Variants in EGFR observed in about 807,000 individuals in gnomAD.
EGFR encodes epidermal growth factor receptor.
Under a neutral mutation model 143.0 loss-of-function variants are expected in EGFR, and 58 were observed. The observed-to-expected ratio is 0.41, with a 90% CI of 0.33 to 0.50. The LOEUF (loss-of-function observed/expected upper bound fraction) is 0.50. Ranked by LOEUF, EGFR falls within the 20% of genes least tolerant of loss-of-function variation. EGFR has a pLI of 0.39. For synonymous variants in EGFR, 613 were observed against 594.4 expected (o/e 1.03, Z -0.45); for missense variants, 1,307 against 1,579.0 (o/e 0.83, Z 2.92).
At chr7:55,025,263 A>G (rs1157330039) in intron 1 of EGFR, among the ~76,000 whole-genome samples, 3 of 152,304 alleles carry the variant, frequency 2.0e-5, no homozygotes, top group South Asian at 2.1e-4. Flanking sequence ...AGGAAGGTTC[A>G]TGACTATTGC....
chr7:55,091,383 A>G (rs1482382959), intron 1 of EGFR, among the ~76,000 whole-genome samples: 2 of 152,226 alleles, frequency 1.3e-5, no homozygotes, highest in East Asian at 1.9e-4. Context: ...ATGCAGTGAA[A>G]GATGTGTAAG....
At chr7:55,035,808 T>C (rs998999923) in intron 1 of EGFR, among the ~76,000 whole-genome samples, 1 of 152,116 alleles carries the variant, frequency 6.6e-6, no homozygotes, top group African/African-American at 2.4e-5. Context: ...TTTTTATTTT[T>C]AAAGAATTGC....
intron 1 of EGFR, among the ~76,000 whole-genome samples, chr7:55,075,709 T>C (rs1032730229): frequency 7.9e-5 from 12 of 152,152 alleles, no homozygotes; most frequent in African/African-American, 2.7e-4. Flanking sequence ...CCATCACAAG[T>C]GCACCACAGC....
chr7:55,106,401 C>T (rs1792135661), intron 1 of EGFR, among the ~76,000 whole-genome samples: 1 of 152,224 alleles, frequency 6.6e-6, no homozygotes, highest in Non-Finnish European at 1.5e-5. Context: ...TCCAGTGGGG[C>T]AAGCCCACCT....
chr7:55,153,059 G>A (rs17336591), intron 6 of EGFR, among the ~76,000 whole-genome samples: 7 of 152,266 alleles, frequency 4.6e-5, no homozygotes, highest in Admixed American at 2.6e-4. Flanking sequence ...GTTTGACTTC[G>A]GCTATACCTC....
intron 20 of EGFR, among the ~76,000 whole-genome samples, chr7:55,185,595 T>G (rs962060579): frequency 1.3e-5 from 2 of 152,216 alleles, no homozygotes; most frequent in African/African-American, 4.8e-5. Context: ...TCCAAACTAT[T>G]TGGACAACAG....
At chr7:55,168,540 C>T (rs2128949455) in intron 15 of EGFR, 1 of 1,605,906 alleles carries the variant, frequency 6.2e-7, no homozygotes, top group Non-Finnish European at 8.5e-7. Context: ...TAAATCTTCA[C>T]TGTCTGACTT....
chr7:55,203,055 T>C, intron 27 of EGFR: 1 of 312,198 alleles, frequency 3.2e-6, no homozygotes, highest in Non-Finnish European at 5.9e-6. Context: ...TTAATATTAA[T>C]AAATTTTAAG....
chr7:55,191,359 C>T (rs1037158840), intron 20 of EGFR, among the ~76,000 whole-genome samples: 2 of 151,756 alleles, frequency 1.3e-5, no homozygotes, highest in African/African-American at 4.8e-5. Flanking sequence ...GTCCCCGCCA[C>T]CCCCCACCCC....
At chr7:55,142,507 A>T (rs2128926590) in intron 2 of EGFR, 70 bp downstream of exon 2, 1 of 1,581,694 alleles carries the variant, frequency 6.3e-7, no homozygotes, top group Non-Finnish European at 8.6e-7. Flanking sequence ...CCTGGGCAGA[A>T]TTCCACTTGA....
rs1375055816 is a variant in EGFR at position 55,191,709 on chromosome 7, T to C, written c.2470-10T>C. On this transcript the variant is annotated splice_polypyrimidine_tract_variant and intron_variant, in intron 20 of 27. Transcript: ENST00000275493. Reference sequence around the variant, plus strand: ...ATCTGTCCCTCACAGCAGGGTCTTCTCTGTTTCAGGGCATGAACTACTTGG... The same window carrying C: ...ATCTGTCCCTCACAGCAGGGTCTTCCCTGTTTCAGGGCATGAACTACTTGG... 1 of 1,613,708 alleles carries C rather than the reference T, an allele frequency of 6.2e-7. No individual in the cohort carries two copies. Among genetic ancestry groups the C allele is most frequent in the Non-Finnish European group, 8.5e-7 (1 of 1,179,974 alleles).
chr7:55,019,863 CA>C (rs1786430130), intron 1 of EGFR, among the ~76,000 whole-genome samples: 6 of 152,148 alleles, frequency 3.9e-5, no homozygotes, highest in Admixed American at 1.3e-4. Flanking sequence ...GGAAGGAACC[CA>C]AAAATACAGC....
intron 1 of EGFR, among the ~76,000 whole-genome samples, chr7:55,047,654 G>A (rs1788255837): frequency 6.6e-6 from 1 of 152,220 alleles, no homozygotes; most frequent in South Asian, 2.1e-4. Context: ...GAGGGGCTGA[G>A]GCAGGGGAAT....
Position 55,205,556 on chromosome 7 carries a change from C to T in EGFR, c.3572C>T (p.Thr1191Ile), listed in dbSNP as rs372948989. The change falls in exon 28 of 28, where the codon ACA becomes ATA. Residue 1191 changes from threonine to isoleucine, a missense_variant. Thr to Ile is a moderately conservative substitution (Grantham distance 89). Around this residue, in one of 7 missense-constraint regions of EGFR, gnomAD observed 313 missense variants for 312.3 expected, o/e 1.00. Transcript: ENST00000275493. ...AKPNGIFKGS[T>I]AENAEYLRVA... Reference sequence around the variant, plus strand: ...CCAAATGGCATCTTTAAGGGCTCCACAGCTGAAAATGCAGAATACCTAAGG... The same window carrying T: ...CCAAATGGCATCTTTAAGGGCTCCATAGCTGAAAATGCAGAATACCTAAGG... 8.7e-6 allele frequency: 14 copies of T among 1,614,068 alleles called. No homozygotes were observed. The African/African-American group carries it at 1.3e-4, about 15-fold the overall frequency.
chr7:55,060,051 T>C (rs1306953033), intron 1 of EGFR, among the ~76,000 whole-genome samples: 2 of 152,236 alleles, frequency 1.3e-5, no homozygotes, highest in Non-Finnish European at 2.9e-5. Flanking sequence ...ATGTGTGTTA[T>C]GCCACGTGGG....
In EGFR at chr7:55,154,010, G is replaced by C. The variant is rs188703146; in HGVS notation, c.748-1G>C. 1 of 1,614,158 alleles carries C rather than the reference G, an allele frequency of 6.2e-7. No individual in the cohort carries two copies. Among genetic ancestry groups the C allele is most frequent in the Non-Finnish European group, 8.5e-7 (1 of 1,180,038 alleles). ...CCCAGCGTGTCCTCTCTCCTCCATA[G>C]GTCTGCCGCAAATTCCGAGACGAAG... On this transcript the variant is annotated splice_acceptor_variant, in intron 6 of 27. Transcript: ENST00000275493. LOFTEE classifies it high-confidence loss of function.
At chr7:55,070,369 T>C (rs893354598) in intron 1 of EGFR, among the ~76,000 whole-genome samples, 1 of 152,242 alleles carries the variant, frequency 6.6e-6, no homozygotes, top group African/African-American at 2.4e-5. Context: ...CTAACTTTCA[T>C]GCCTCAGCAA....
chr7:55,119,896 G>A (rs1313942756), intron 1 of EGFR, among the ~76,000 whole-genome samples: 1 of 152,240 alleles, frequency 6.6e-6, no homozygotes, highest in Admixed American at 6.5e-5. Context: ...TAGAGATGCA[G>A]TTGGCCAGGT....
In EGFR at chr7:55,146,657, T is replaced by G. The variant is rs1794779031; in HGVS notation, c.476T>G (p.Val159Gly). The G allele has an allele frequency of 1.2e-6, 2 of 1,614,068 alleles. No homozygotes were observed. Among genetic ancestry groups the G allele is most frequent in the Non-Finnish European group, 1.7e-6 (2 of 1,179,948 alleles). ...AGCAACAACCCTGCCCTGTGCAACG[T>G]GGAGAGCATCCAGTGGCGGGACATA... is the stretch of plus-strand genomic sequence containing the variant. ...RFSNNPALCN[V>G]ESIQWRDIVS... is the part of the protein sequence containing the mutation. Residue 159 changes from valine (V) to glycine (G), a missense_variant, in exon 4 of 28, where the codon GTG becomes GGG. Val to Gly is a moderately radical substitution (Grantham distance 109, BLOSUM62 -3). Coordinates refer to ENST00000275493, the MANE Select transcript of EGFR (RefSeq NM_005228.5).
Sources: gnomAD v4.1 joint callset for allele counts (sites outside exome capture counted in the v4.1 genomes callset) on GRCh38, gnomAD v4.1.1 for gene constraint, gnomAD v4.1.1 regional missense constraint, MANE v1.5 for transcripts, NCBI Gene and HGNC (gene_info 2026-07-23, HGNC 2026-07-21) for gene names.